NECTIN3: variants seen among roughly 807,000 people sequenced by gnomAD.
NECTIN3 encodes the protein nectin cell adhesion molecule 3.
A neutral mutation model predicts 49.4 loss-of-function variants in NECTIN3; 8 were observed. The observed-to-expected ratio is 0.16, with a 90% CI of 0.10 to 0.29. The LOEUF (loss-of-function observed/expected upper bound fraction) is 0.29, where lower values mean the gene tolerates loss of function less well. Ranked by LOEUF, NECTIN3 falls within the 10% of genes least tolerant of loss-of-function variation. NECTIN3 has a pLI of 1.00. For missense variants in NECTIN3, 581 were observed against 654.6 expected (o/e 0.89, Z 1.23); for synonymous variants, 277 against 241.1 (o/e 1.15, Z -1.38).
chr3:111,085,532 A>G (rs555786052), intron 1 of NECTIN3, among the ~76,000 whole-genome samples: 230 of 152,308 alleles, frequency 1.5e-3, no homozygotes, highest in Non-Finnish European at 2.1e-3. Flanking sequence ...AAAATAAAAC[A>G]TTACCAGGCT....
At chr3:111,100,300 A>G (rs1262330717) in intron 1 of NECTIN3, among the ~76,000 whole-genome samples, 1 of 152,150 alleles carries the variant, frequency 6.6e-6, no homozygotes, top group Non-Finnish European at 1.5e-5. Flanking sequence ...TCAACTTCTA[A>G]GAAGATATTT....
intron 7 of NECTIN3, among the ~76,000 whole-genome samples, chr3:111,162,490 A>T (rs1452798952): frequency 6.6e-6 from 1 of 152,138 alleles, no homozygotes; most frequent in Non-Finnish European, 1.5e-5. Flanking sequence ...CATGATTATA[A>T]GTTTCTCGAG....
Position 111,089,917 on chromosome 3 carries a change from C to T in NECTIN3, c.160+17740C>T, listed in dbSNP as rs141595194. On this transcript the variant is annotated intron_variant, in intron 1 of 5. Transcript: ENST00000485303. ...CTTTTGATTCTGTGAATTTTTGCCC[C>T]GTGCATATTAGGTTATGAGGTGCAA... Among the ~76,000 whole-genome samples, 359 of 152,082 alleles carry T rather than the reference C, an allele frequency of 2.4e-3. 1 individual carries two copies. The highest frequency in any genetic ancestry group is 4.3e-3 in the Non-Finnish European group (290 of 67,960).
At chr3:111,126,089 C>G (rs1230508172) in intron 4 of NECTIN3, 95 bp from the exon 5 acceptor site, 22 of 850,676 alleles carry the variant, frequency 2.6e-5, no homozygotes, top group East Asian at 6.7e-5. Context: ...TTTATTTTGA[C>G]TAACATCTCA....
At chr3:111,088,630 G>A (rs1286752568) in intron 1 of NECTIN3, among the ~76,000 whole-genome samples, 1 of 151,950 alleles carries the variant, frequency 6.6e-6, no homozygotes, top group Non-Finnish European at 1.5e-5. Flanking sequence ...CTCTACTGAT[G>A]GTGAATTACA....
rs565354549 is a variant in NECTIN3 at position 111,167,309 on chromosome 3, G to T, written c.1221+19825G>T. Among the ~76,000 whole-genome samples the T allele has an allele frequency of 3.9e-5, 6 of 152,276 alleles. No individual in the cohort carries two copies. The South Asian group carries it at 1.2e-3, about 32-fold the overall frequency. On this transcript the variant is annotated intron_variant, in intron 7 of 8. Transcript: ENST00000493615. ...GCATTAGAATCAGCATTTTTAGCTG[G>T]AAGGGACCTCAGAAAGCACATTATC... is the stretch of plus-strand genomic sequence containing the variant.
In NECTIN3 at chr3:111,149,459, A is replaced by ATGTGTGTGTGTG. The variant is rs56219611; in HGVS notation, c.1221+2013_1221+2024dup. 1.4e-3 allele frequency among the ~76,000 whole-genome samples: 178 copies of ATGTGTGTGTGTG among 128,392 alleles called. 1 individual carries two copies. The highest frequency in any genetic ancestry group is 3.2e-3 in the South Asian group (11 of 3,436). 84.2% of individuals were successfully genotyped at this position (128,392 alleles called of 152,430 possible). Reference sequence around the variant, plus strand: ...CCAGATAAGCCTCTATTCTGGTAGGATGTGTGTGTGTGTGTGTGTGTGTGT... The same window carrying ATGTGTGTGTGTG: ...CCAGATAAGCCTCTATTCTGGTAGGATGTGTGTGTGTGTGTGTGTGTGTGTGTGTGTGTGTGT... On this transcript the variant is annotated intron_variant, in intron 7 of 8. Coordinates refer to the NECTIN3 transcript ENST00000493615.
intron 5 of NECTIN3, chr3:111,144,788 C>A: frequency 8.0e-7 from 1 of 1,248,682 alleles, no homozygotes; most frequent in Non-Finnish European, 1.1e-6. Context: ...TCTAACCTGG[C>A]TCTTGGATAA....
intron 1 of NECTIN3, among the ~76,000 whole-genome samples, chr3:111,099,390 A>G (rs565502025): frequency 4.6e-5 from 7 of 152,310 alleles, no homozygotes; most frequent in African/African-American, 1.2e-4. Context: ...TCTCTAAACA[A>G]AATTTTCGCT....
In NECTIN3 at chr3:111,137,266, T is replaced by A; in HGVS notation, c.*3051T>A. 2.1e-6 allele frequency: 2 copies of A among 952,430 alleles called. No individual in the cohort carries two copies. Among genetic ancestry groups the A allele is most frequent in the Non-Finnish European group, 2.5e-6 (2 of 800,120 alleles). The allele number at this position is 952,430 out of a possible 1,614,324, so 59.0% of individuals were successfully genotyped here. ...GGAATAAATGGTACCCATTTTGAATTTTTAATTCTAATAGGAGAGTAGATT... is the reference window on the plus strand; with the variant it reads ...GGAATAAATGGTACCCATTTTGAATATTTAATTCTAATAGGAGAGTAGATT... On this transcript the variant is annotated 3_prime_UTR_variant, in exon 6 of 6. Coordinates refer to ENST00000485303, the MANE Select transcript of NECTIN3 (RefSeq NM_015480.3).
At chr3:111,193,104 C>G in intron 1 of NECTIN3, 2 of 1,113,628 alleles carry the variant, frequency 1.8e-6, no homozygotes, top group East Asian at 5.2e-5. Context: ...ATCAGGGACA[C>G]TAAACTGTAG....
chr3:111,157,645 T>C (rs1345630954), intron 7 of NECTIN3, among the ~76,000 whole-genome samples: 2 of 152,088 alleles, frequency 1.3e-5, no homozygotes, highest in African/African-American at 4.8e-5. Flanking sequence ...TGTCTCATAG[T>C]GGGGCTGATA....
intron 1 of NECTIN3, among the ~76,000 whole-genome samples, chr3:111,100,560 C>T (rs1178307386): frequency 6.6e-6 from 1 of 151,914 alleles, no homozygotes; most frequent in African/African-American, 2.4e-5. Context: ...AAGAAAAAAA[C>T]AGCCAAAATT....
chr3:111,127,034 A>G (rs1191820541), intron 5 of NECTIN3, among the ~76,000 whole-genome samples: 1 of 152,198 alleles, frequency 6.6e-6, no homozygotes, highest in African/African-American at 2.4e-5. Flanking sequence ...TAGAATGCTT[A>G]TTTATAAAAA....
chr3:111,118,963 G>A lies in NECTIN3; in HGVS notation c.799+11G>A. The A allele has an allele frequency of 3.2e-6, 5 of 1,558,848 alleles. No homozygotes were observed. The highest frequency in any genetic ancestry group is 4.4e-6 in the Non-Finnish European group (5 of 1,148,792). ...TATTAGACATACAGTGTAAGTAAAT[G>A]GTAACATTTACTTTTTAAATATTTG... On this transcript the variant is annotated intron_variant, in intron 3 of 5. Coordinates refer to ENST00000485303, the MANE Select transcript of NECTIN3 (RefSeq NM_015480.3).
intron 7 of NECTIN3, among the ~76,000 whole-genome samples, chr3:111,180,905 G>A (rs926502528): frequency 4.6e-5 from 7 of 151,992 alleles, no homozygotes; most frequent in African/African-American, 7.3e-5. Context: ...TCTCCAAAAC[G>A]GAGTAATTAT....
intron 1 of NECTIN3, among the ~76,000 whole-genome samples, chr3:111,105,169 G>A (rs942548666): frequency 2.1e-5 from 3 of 139,936 alleles, no homozygotes; most frequent in Non-Finnish European, 4.6e-5. Flanking sequence ...TTGAGACAGG[G>A]TCTTGCTCTG....
At chr3:111,088,901 A>AT (rs1437485595) in intron 1 of NECTIN3, among the ~76,000 whole-genome samples, 11 of 151,742 alleles carry the variant, frequency 7.2e-5, no homozygotes, top group Non-Finnish European at 1.5e-4. Flanking sequence ...AAGATTGATA[A>AT]TTTTTTCTTT....
In NECTIN3 at chr3:111,112,176, G is replaced by A. The variant is rs1317888347; in HGVS notation, c.307G>A (p.Ala103Thr). The change falls in exon 2 of 6, where the codon GCA (alanine) becomes ACA (threonine). Residue 103 changes from alanine to threonine, a missense_variant. Ala to Thr is a moderately conservative substitution (Grantham distance 58). Transcript: ENST00000485303. ...ACATGGCAAAAGTTCACAGACTGTT[G>A]CAGTTCACCATCCCCAATATGGATT... ...KIHGKSSQTV[A>T]VHHPQYGFSV... 1 of 1,613,866 alleles carries A rather than the reference G, an allele frequency of 6.2e-7. No homozygotes were observed. The highest frequency in any genetic ancestry group is 1.7e-5 in the Admixed American group (1 of 59,946).
Sources: gnomAD v4.1 joint callset for allele counts (sites outside exome capture counted in the v4.1 genomes callset) on GRCh38, gnomAD v4.1.1 for gene constraint, MANE v1.5 for transcripts, NCBI Gene and HGNC (gene_info 2026-07-23, HGNC 2026-07-21) for gene names.